Variants in PPARGC1A observed in about 807,000 individuals in gnomAD.
PPARGC1A encodes PPARG coactivator 1 alpha, also known as peroxisome proliferator-activated receptor gamma coactivator 1-alpha.
A neutral mutation model predicts 88.7 loss-of-function variants in PPARGC1A; 25 were observed. The observed-to-expected ratio is 0.28, with a 90% CI of 0.21 to 0.39. The LOEUF (loss-of-function observed/expected upper bound fraction) is 0.39, where lower values mean the gene tolerates loss of function less well. Ranked by LOEUF, PPARGC1A falls within the 10% of genes least tolerant of loss-of-function variation. The pLI, the probability that PPARGC1A is intolerant of heterozygous loss-of-function variation, is 1.00. For synonymous variants in PPARGC1A, 363 were observed against 355.6 expected (o/e 1.02, Z -0.24); for missense variants, 880 against 968.7 (o/e 0.91, Z 1.22).
At chr4:23,814,783 C>T (rs778491699) in intron 7 of PPARGC1A, among the ~76,000 whole-genome samples, 178 bp from the exon 8 acceptor site, 2 of 152,014 alleles carry the variant, frequency 1.3e-5, no homozygotes, top group South Asian at 4.2e-4. Context: ...TGACTCATCC[C>T]CTAAGCCTCT....
At chr4:23,864,703 C>A (rs1395752984) in intron 2 of PPARGC1A, among the ~76,000 whole-genome samples, 3 of 152,170 alleles carry the variant, frequency 2.0e-5, no homozygotes, top group Non-Finnish European at 4.4e-5. Flanking sequence ...GGTTTCTGAT[C>A]CCTGGGAGCA....
At chr4:24,465,095 G>T in the PPARGC1A span, among the ~76,000 whole-genome samples, 1 of 152,154 alleles carries the variant, frequency 6.6e-6, no homozygotes, top group East Asian at 1.9e-4. Context: ...TGAACGCCTG[G>T]ACTCAAGGAA....
At chr4:23,926,491 T>G in the PPARGC1A span, among the ~76,000 whole-genome samples, 1 of 152,180 alleles carries the variant, frequency 6.6e-6, no homozygotes, top group Non-Finnish European at 1.5e-5. Flanking sequence ...ACATCCTACC[T>G]TAGTGTCTAT....
At chr4:24,223,294 G>T in the PPARGC1A span, among the ~76,000 whole-genome samples, 840 of 142,142 alleles carry the variant, frequency 5.9e-3, 37 homozygotes, top group East Asian at 0.12. Flanking sequence ...CTGTGGCCCA[G>T]GCTGGAGTGC....
the PPARGC1A span, among the ~76,000 whole-genome samples, chr4:24,159,893 A>G: frequency 2.6e-5 from 4 of 152,242 alleles, no homozygotes; most frequent in African/African-American, 7.2e-5. Context: ...GTGGGACCAT[A>G]TAGTGATCAC....
the PPARGC1A span, among the ~76,000 whole-genome samples, chr4:24,009,219 GAA>G: frequency 6.7e-6 from 1 of 148,656 alleles, no homozygotes; most frequent in African/African-American, 2.5e-5. Context: ...AATTAATTGA[GAA>G]TTTTATTATA....
chr4:24,217,725 C>T, the PPARGC1A span, among the ~76,000 whole-genome samples: 1 of 152,132 alleles, frequency 6.6e-6, no homozygotes, highest in African/African-American at 2.4e-5. Flanking sequence ...ATCACTTGAG[C>T]CCAGGCGGCA....
intron 2 of PPARGC1A, among the ~76,000 whole-genome samples, chr4:23,857,088 C>T (rs900218059): frequency 6.6e-6 from 1 of 151,918 alleles, no homozygotes; most frequent in African/African-American, 2.4e-5. Flanking sequence ...GGCAGAGACA[C>T]ACAAATGATT....
chr4:24,026,539 T>C, the PPARGC1A span, among the ~76,000 whole-genome samples: 1 of 152,096 alleles, frequency 6.6e-6, no homozygotes, highest in Non-Finnish European at 1.5e-5. Context: ...TCTAAATCAG[T>C]ACTCAAGATA....
At chr4:23,932,541 A>G in the PPARGC1A span, among the ~76,000 whole-genome samples, 1 of 152,242 alleles carries the variant, frequency 6.6e-6, no homozygotes, top group African/African-American at 2.4e-5. Context: ...AAAAGCAACA[A>G]ATGTCAGCAG....
At chr4:24,126,725 T>C in the PPARGC1A span, among the ~76,000 whole-genome samples, 3 of 152,146 alleles carry the variant, frequency 2.0e-5, no homozygotes, top group Admixed American at 2.0e-4. Context: ...CCATCACTGA[T>C]GTTAATTATG....
intron 2 of PPARGC1A, among the ~76,000 whole-genome samples, chr4:23,832,840 G>A (rs1725287793): frequency 6.8e-6 from 1 of 147,542 alleles, no homozygotes; most frequent in South Asian, 2.2e-4. Context: ...TCGATCTCCT[G>A]ACCTCGTGAT....
At chr4:24,180,543 T>C in the PPARGC1A span, among the ~76,000 whole-genome samples, 2 of 152,180 alleles carry the variant, frequency 1.3e-5, no homozygotes, top group African/African-American at 4.8e-5. Context: ...GGATCTCTGA[T>C]GGAAAGGACA....
the PPARGC1A span, among the ~76,000 whole-genome samples, chr4:24,447,094 TCTC>T: frequency 6.6e-6 from 1 of 152,042 alleles, no homozygotes; most frequent in East Asian, 1.9e-4. Context: ...TCTCTAGAAT[TCTC>T]CACAGGCCAG....
the PPARGC1A span, among the ~76,000 whole-genome samples, chr4:24,344,073 C>T: frequency 5.3e-5 from 8 of 150,460 alleles, no homozygotes; most frequent in Non-Finnish European, 1.2e-4. Flanking sequence ...GCTGTTAATT[C>T]ATTCCTTTTT....
chr4:24,150,602 C>A, the PPARGC1A span, among the ~76,000 whole-genome samples: 2 of 152,234 alleles, frequency 1.3e-5, no homozygotes, highest in South Asian at 4.1e-4. Context: ...GTTGCTAGAG[C>A]ATAACTCCTG....
intron 2 of PPARGC1A, among the ~76,000 whole-genome samples, chr4:23,849,017 G>A (rs1337402115): frequency 2.0e-5 from 3 of 152,228 alleles, no homozygotes; most frequent in South Asian, 2.1e-4. Flanking sequence ...GGTAGCGGGC[G>A]CCTGTACTCC....
At chr4:23,920,502 C>A in the PPARGC1A span, among the ~76,000 whole-genome samples, 1 of 152,188 alleles carries the variant, frequency 6.6e-6, no homozygotes, top group African/African-American at 2.4e-5. Flanking sequence ...TGGCCAGCAG[C>A]TTGGTGATGG....
the PPARGC1A span, among the ~76,000 whole-genome samples, chr4:24,232,337 T>G: frequency 6.6e-6 from 1 of 152,218 alleles, no homozygotes; most frequent in South Asian, 2.1e-4. Context: ...TAACTAGTGA[T>G]GCAGAGCAAG....
Sources: gnomAD v4.1 joint callset for allele counts (sites outside exome capture counted in the v4.1 genomes callset) on GRCh38, gnomAD v4.1.1 for gene constraint, MANE v1.5 for transcripts, NCBI Gene and HGNC (gene_info 2026-07-23, HGNC 2026-07-21) for gene names.